PIAS2: variants seen among roughly 807,000 people sequenced by gnomAD.
PIAS2 encodes protein inhibitor of activated STAT 2.
PIAS2 carries 19 observed loss-of-function variants against 69.7 expected under a neutral mutation model. The observed-to-expected ratio is 0.27, with a 90% CI of 0.19 to 0.40. The LOEUF (loss-of-function observed/expected upper bound fraction) is 0.40, where lower values mean the gene tolerates loss of function less well. Among genes scored for constraint, PIAS2 ranks in the 10% least tolerant of loss-of-function variants. PIAS2 has a pLI of 1.00. For synonymous variants in PIAS2, 261 were observed against 263.2 expected, an observed-to-expected ratio of 0.99 and a Z score of 0.08; for missense variants, 624 against 757.0, an observed-to-expected ratio of 0.82 and a Z score of 2.06.
At position 46,808,281 on chromosome 18, in the gene PIAS2, A is replaced by C. The variant is rs766996610; in HGVS notation, c.*4152T>G. On this transcript the variant is annotated 3_prime_UTR_variant, in exon 14 of 14. Coordinates refer to ENST00000585916, the MANE Select transcript of PIAS2 (RefSeq NM_004671.5). ...TCAAGTGATTTTTTCTGGTGACAGA[A>C]TCATAGGCAATTAATTGTTATACTT... 1.1e-4 allele frequency: 16 copies of C among 152,362 alleles called. No individual in the cohort carries two copies. Among genetic ancestry groups the C allele is most frequent in the Non-Finnish European group, 1.8e-4 (12 of 68,024 alleles). 9.4% of individuals were successfully genotyped at this position (152,362 alleles called of 1,614,324 possible).
At chr18:46,875,523 TTCTC>T (rs1035648847) in intron 2 of PIAS2, among the ~76,000 whole-genome samples, 17 of 152,188 alleles carry the variant, frequency 1.1e-4, no homozygotes, top group African/African-American at 4.1e-4. Flanking sequence ...CATAAGAATC[TTCTC>T]TCTGAGTCGG....
At chr18:46,876,864 A>AT (rs960271548) in intron 2 of PIAS2, among the ~76,000 whole-genome samples, 2 of 151,030 alleles carry the variant, frequency 1.3e-5, no homozygotes, top group African/African-American at 4.9e-5. Flanking sequence ...GCCCAGCTAA[A>AT]TTTTTTTTTG....
At chr18:46,816,731 G>A in intron 12 of PIAS2, 1 of 901,712 alleles carries the variant, frequency 1.1e-6, no homozygotes. Context: ...GCCTCCCAAA[G>A]TGCTGGGATT....
chr18:46,916,771 G>A, intron 1 of PIAS2: 1 of 955,040 alleles, frequency 1.0e-6, no homozygotes. Flanking sequence ...CAAACATTAG[G>A]TTCCTCGAAG....
intron 13 of PIAS2, among the ~76,000 whole-genome samples, chr18:46,814,733 C>T (rs1177164756): frequency 6.6e-6 from 1 of 152,170 alleles, no homozygotes; most frequent in East Asian, 1.9e-4. Flanking sequence ...TCTGCTCTGC[C>T]TCTGCTATAA....
intron 2 of PIAS2, among the ~76,000 whole-genome samples, chr18:46,871,327 A>G (rs1191716341): frequency 1.3e-5 from 2 of 152,112 alleles, no homozygotes; most frequent in African/African-American, 4.8e-5. Context: ...TTACCTACAG[A>G]CCCCACACCC....
intron 9 of PIAS2, among the ~76,000 whole-genome samples, chr18:46,831,689 A>C (rs1468779211): frequency 2.0e-5 from 3 of 152,252 alleles, no homozygotes; most frequent in Non-Finnish European, 4.4e-5. Flanking sequence ...AAGGTGCAAA[A>C]GCAATTCAAT....
At chr18:46,865,522 C>CAAAAAAAAA (rs11321908) in intron 2 of PIAS2, among the ~76,000 whole-genome samples, 1 of 108,260 alleles carries the variant, frequency 9.2e-6, no homozygotes, top group Non-Finnish European at 2.0e-5. Context: ...CGATAGTCTT[C>CAAAAAAAAA]AAAAAAAAAA....
chr18:46,899,180 A>T (rs2055388155), intron 1 of PIAS2, among the ~76,000 whole-genome samples: 1 of 152,160 alleles, frequency 6.6e-6, no homozygotes, highest in African/African-American at 2.4e-5. Context: ...AATAAAACAT[A>T]TAATATGGCA....
At chr18:46,862,866 C>T (rs1397275484) in intron 3 of PIAS2, among the ~76,000 whole-genome samples, 2 of 151,964 alleles carry the variant, frequency 1.3e-5, no homozygotes, top group Non-Finnish European at 2.9e-5. Context: ...CCACCATGCT[C>T]GGCTAATTTG....
chr18:46,887,477 T>G (rs182191458), intron 2 of PIAS2, among the ~76,000 whole-genome samples: 21 of 152,334 alleles, frequency 1.4e-4, no homozygotes, highest in Admixed American at 5.9e-4. Context: ...ATCTTCCACA[T>G]CAACTATGAA....
Position 46,812,517 on chromosome 18 carries a change from A to G in PIAS2, c.1782T>C (p.His594=), listed in dbSNP as rs61760984. ...CACTCCTGCTGCTGGATGAACTAACATGAGTACTGCTTTCATGGGAGCTGG... is the reference window on the plus strand; with the variant it reads ...CACTCCTGCTGCTGGATGAACTAACGTGAGTACTGCTTTCATGGGAGCTGG... ...TTTSSHESST[H]VSSSSSRSET... is the part of the protein sequence containing the mutation. Residue 594 remains histidine (H), a synonymous_variant, in exon 14 of 14, where the codon CAT becomes CAC. Coordinates refer to ENST00000585916, the MANE Select transcript of PIAS2 (RefSeq NM_004671.5). 33 of 1,613,012 alleles carry G rather than the reference A, an allele frequency of 2.0e-5. 1 individual carries two copies. Among genetic ancestry groups the G allele is most frequent in the Non-Finnish European group, 2.6e-5 (31 of 1,179,136 alleles).
At position 46,812,222 on chromosome 18, in the gene PIAS2, G is replaced by T; in HGVS notation, c.*211C>A. The T allele has an allele frequency of 2.2e-6, 1 of 453,498 alleles. No homozygotes were observed. The highest frequency in any genetic ancestry group is 4.4e-5 in the South Asian group (1 of 22,610). 28.1% of individuals were successfully genotyped at this position (453,498 alleles called of 1,614,324 possible). On this transcript the variant is annotated 3_prime_UTR_variant, in exon 14 of 14. Transcript: ENST00000585916. ...GTTATGGTTGAATGTATCTGATGCT[G>T]AGAGTACAGCATAATTAAGAAAAAT...
chr18:46,908,646 A>C (rs2056905971), intron 1 of PIAS2, among the ~76,000 whole-genome samples: 1 of 152,260 alleles, frequency 6.6e-6, no homozygotes, highest in Non-Finnish European at 1.5e-5. Context: ...AACAAGATTC[A>C]AAAGCACTAT....
chr18:46,816,641 T>A (rs8083773), intron 12 of PIAS2: 5,089 of 262,050 alleles, frequency 0.019, 77 homozygotes, highest in African/African-American at 0.046. Flanking sequence ...TATTATTATT[T>A]TTTTTTTGTA....
At chr18:46,905,983 G>T (rs1480262317) in intron 1 of PIAS2, 1 of 151,958 alleles carries the variant, frequency 6.6e-6, no homozygotes, top group African/African-American at 2.4e-5. Context: ...GTGAAAAAAA[G>T]GAACAGATAG....
Position 46,803,821 on chromosome 18 carries a change from C to T in PIAS2, c.*8612G>A, listed in dbSNP as rs2040572573. 1 of 152,186 alleles carries T rather than the reference C, an allele frequency of 6.6e-6. No homozygotes were observed. Among genetic ancestry groups the T allele is most frequent in the African/African-American group, 2.4e-5 (1 of 41,430 alleles). The allele number at this position is 152,186 out of a possible 1,614,324, so 9.4% of individuals were successfully genotyped here. A position where few individuals can be genotyped will look rare whatever the true frequency, so the allele number is the denominator to read the frequency against. Reference sequence around the variant, plus strand: ...TTTTATACACAGTAGGGTGGGTCTACAAGGAGTTGCTTACACTTCCAGGTT... The same window carrying T: ...TTTTATACACAGTAGGGTGGGTCTATAAGGAGTTGCTTACACTTCCAGGTT... On this transcript the variant is annotated 3_prime_UTR_variant, in exon 14 of 14. Coordinates refer to ENST00000585916, the MANE Select transcript of PIAS2 (RefSeq NM_004671.5).
intron 12 of PIAS2, 136 bp from the exon 13 acceptor site, chr18:46,815,485 C>T (rs1189015582): frequency 8.7e-6 from 13 of 1,487,626 alleles, no homozygotes; most frequent in Admixed American, 2.3e-5. Context: ...AGTTCTATAC[C>T]ATGATCAGTG....
At chr18:46,884,500 T>A (rs111567725) in intron 2 of PIAS2, among the ~76,000 whole-genome samples, 11,657 of 151,772 alleles carry the variant, frequency 0.077, 484 homozygotes, top group African/African-American at 0.1. Context: ...TTTAGTAGAG[T>A]CGGGGTTTCA....
Sources: gnomAD v4.1 joint callset for allele counts (sites outside exome capture counted in the v4.1 genomes callset) on GRCh38, gnomAD v4.1.1 for gene constraint, MANE v1.5 for transcripts, NCBI Gene and HGNC (gene_info 2026-07-23, HGNC 2026-07-21) for gene names.